Variants in PTPRD observed in about 807,000 individuals in gnomAD.
PTPRD encodes protein tyrosine phosphatase receptor type D.
PTPRD carries 34 observed loss-of-function variants against 214.5 expected under a neutral mutation model. The observed-to-expected ratio is 0.16, with a 90% CI of 0.12 to 0.21. The LOEUF (loss-of-function observed/expected upper bound fraction) is 0.21, where lower values mean the gene tolerates loss of function less well. PTPRD is among the 10% of genes least tolerant of loss of function. PTPRD has a pLI of 1.00. For synonymous variants in PTPRD, 1,128 were observed against 845.7 expected (o/e 1.33, Z -5.79); for missense variants, 2,545 against 2,398.7 (o/e 1.06, Z -1.27).
intron 2 of PTPRD, among the ~76,000 whole-genome samples, chr9:10,604,497 A>G (rs2078814012): frequency 6.6e-6 from 1 of 151,814 alleles, no homozygotes. Context: ...TATCCTCCTG[A>G]GGGGCAGGAA....
At chr9:10,511,904 ATATATATATACGTG>A (rs1383932550) in intron 2 of PTPRD, among the ~76,000 whole-genome samples, 4 of 125,416 alleles carry the variant, frequency 3.2e-5, no homozygotes, top group Non-Finnish European at 5.0e-5. Flanking sequence ...ATATATATAC[ATATATATATACGTG>A]TATATATATA....
In PTPRD at chr9:9,607,005, A is replaced by AAAAAAAT. The variant is rs1187365479; in HGVS notation, c.-286-32225_-286-32224insATTTTTT. ...AAAAAAAAAAAAAAAAAAAAAAAAA[A>AAAAAAAT]GTGTTTCTGCCATGTCACCGACCAG... On this transcript the variant is annotated intron_variant, in intron 7 of 45. Transcript: ENST00000381196. Among the ~76,000 whole-genome samples, 268 of 119,668 alleles carry AAAAAAAT rather than the reference A, an allele frequency of 2.2e-3. 60 individuals are homozygous for AAAAAAAT. Among genetic ancestry groups the AAAAAAAT allele is most frequent in the African/African-American group, 8.0e-3 (244 of 30,504 alleles). The allele number at this position is 119,668 out of a possible 152,430, so 78.5% of individuals were successfully genotyped here. A position where few individuals can be genotyped will look rare whatever the true frequency, so the allele number is the denominator to read the frequency against.
At chr9:10,264,497 T>C (rs2093918972) in intron 3 of PTPRD, among the ~76,000 whole-genome samples, 1 of 152,190 alleles carries the variant, frequency 6.6e-6, no homozygotes, top group Non-Finnish European at 1.5e-5. Context: ...TGCTGGATTT[T>C]GGACTTGCAT....
At chr9:9,829,247 G>C (rs1475588086) in intron 5 of PTPRD, among the ~76,000 whole-genome samples, 1 of 151,740 alleles carries the variant, frequency 6.6e-6, no homozygotes, top group Non-Finnish European at 1.5e-5. Flanking sequence ...TACCTACAGT[G>C]ATGTTCGTCT....
intron 5 of PTPRD, among the ~76,000 whole-genome samples, chr9:9,849,959 T>C (rs538245630): frequency 7.2e-5 from 11 of 152,206 alleles, no homozygotes; most frequent in African/African-American, 2.4e-4. Flanking sequence ...AGAGCAGTCA[T>C]CAAGATAATG....
At chr9:9,204,829 C>A (rs2099943879) in intron 9 of PTPRD, among the ~76,000 whole-genome samples, 1 of 152,050 alleles carries the variant, frequency 6.6e-6, no homozygotes. Context: ...CTATCAGAAC[C>A]ATTTATAAAT....
At chr9:10,487,209 A>T (rs993313709) in intron 2 of PTPRD, among the ~76,000 whole-genome samples, 1 of 151,960 alleles carries the variant, frequency 6.6e-6, no homozygotes, top group Non-Finnish European at 1.5e-5. Context: ...TGTGTTTCTT[A>T]TAGGCAACAG....
rs576500223 is a variant in PTPRD, at chr9:8,735,967, C to A, written c.-103-2021G>T. On this transcript the variant is annotated intron_variant, in intron 11 of 45. Coordinates refer to ENST00000381196, the MANE Select transcript of PTPRD (RefSeq NM_002839.4). ...TTAAAAAAAAATAGGTCACAGAGAG[C>A]CTTGGATGGCGATCTAAGTCAAATG... 4.0e-5 allele frequency among the ~76,000 whole-genome samples: 6 copies of A among 150,518 alleles called. No homozygotes were observed. The South Asian group carries it at 1.3e-3, about 32-fold the overall frequency.
chr9:10,034,523 G>A lies in PTPRD; in HGVS notation c.-544-733C>T, dbSNP rs553096065. The stretch of plus-strand genomic sequence containing the variant: ...GTTGTGCCTATTATTTCATTACCGG[G>A]GTATTAAGCCTAATATCCATTAGTT... On this transcript the variant is annotated intron_variant, in intron 3 of 45. Coordinates refer to ENST00000381196, the MANE Select transcript of PTPRD (RefSeq NM_002839.4). Among the ~76,000 whole-genome samples the A allele has an allele frequency of 7.3e-5, 11 of 150,360 alleles. No homozygotes were observed. In the East Asian group the frequency reaches 2.0e-3, roughly 27 times the overall value.
At chr9:8,395,266 C>T (rs1376923410) in intron 36 of PTPRD, among the ~76,000 whole-genome samples, 3 of 151,932 alleles carry the variant, frequency 2.0e-5, no homozygotes, top group East Asian at 1.9e-4. Flanking sequence ...AACGCACAAA[C>T]GAAAAAGCAT....
At chr9:10,581,262 C>G (rs1397392338) in intron 2 of PTPRD, among the ~76,000 whole-genome samples, 1 of 152,028 alleles carries the variant, frequency 6.6e-6, no homozygotes, top group African/African-American at 2.4e-5. Context: ...TATTAAGTCT[C>G]AAAACAACTG....
chr9:9,939,674 T>C (rs1370201441), intron 4 of PTPRD, among the ~76,000 whole-genome samples: 2 of 152,188 alleles, frequency 1.3e-5, no homozygotes, highest in Admixed American at 6.6e-5. Context: ...GAATGAATCA[T>C]GTGGCTCCCT....
intron 11 of PTPRD, among the ~76,000 whole-genome samples, chr9:8,876,906 C>T (rs2098397253): frequency 6.6e-6 from 1 of 151,880 alleles, no homozygotes; most frequent in Admixed American, 6.6e-5. Context: ...CTTTCCTTTA[C>T]CACCCTGTTT....
intron 8 of PTPRD, among the ~76,000 whole-genome samples, chr9:9,570,071 T>G (rs1345098545): frequency 6.6e-6 from 1 of 151,562 alleles, no homozygotes; most frequent in Non-Finnish European, 1.5e-5. Context: ...ACTTTAACAA[T>G]TCTGTGTAAT....
At chr9:9,634,522 A>G (rs563927619) in intron 7 of PTPRD, among the ~76,000 whole-genome samples, 1 of 152,298 alleles carries the variant, frequency 6.6e-6, no homozygotes, top group South Asian at 2.1e-4. Flanking sequence ...ATTATTTAAA[A>G]TTCACATAAT....
Position 10,222,333 on chromosome 9 carries a change from T to A in PTPRD, c.-545+118630A>T, listed in dbSNP as rs141381296. Among the ~76,000 whole-genome samples the A allele has an allele frequency of 2.1e-3, 317 of 152,124 alleles. 2 individuals carry two copies. Among genetic ancestry groups the A allele is most frequent in the African/African-American group, 7.4e-3 (306 of 41,544 alleles). ...TAGGAAAATACAATAACCATAAATC[T>A]GTGTAAAAGAGAAAATAAATAGAAA... On this transcript the variant is annotated intron_variant, in intron 3 of 45. Coordinates refer to ENST00000381196, the MANE Select transcript of PTPRD (RefSeq NM_002839.4).
At chr9:10,254,028 T>C (rs983855533) in intron 3 of PTPRD, among the ~76,000 whole-genome samples, 86 of 152,296 alleles carry the variant, frequency 5.6e-4, no homozygotes, top group African/African-American at 2.0e-3. Context: ...ATAACACATT[T>C]CCCCGTAATC....
At chr9:9,972,656 A>T (rs1424987339) in intron 4 of PTPRD, among the ~76,000 whole-genome samples, 1 of 152,188 alleles carries the variant, frequency 6.6e-6, no homozygotes, top group Non-Finnish European at 1.5e-5. Flanking sequence ...CAACCTCACT[A>T]TGCTAAAGTC....
At chr9:9,646,338 T>G (rs1224396484) in intron 7 of PTPRD, among the ~76,000 whole-genome samples, 1 of 148,814 alleles carries the variant, frequency 6.7e-6, no homozygotes, top group Non-Finnish European at 1.5e-5. Flanking sequence ...TGTGTGTGTG[T>G]GTGTGGGTGT....
Sources: gnomAD v4.1 joint callset for allele counts (sites outside exome capture counted in the v4.1 genomes callset) on GRCh38, gnomAD v4.1.1 for gene constraint, MANE v1.5 for transcripts, NCBI Gene and HGNC (gene_info 2026-07-23, HGNC 2026-07-21) for gene names.